The following LRPPRC variants were observed in gnomAD, a reference collection of about 807,000 sequenced individuals.
The protein encoded by LRPPRC is leucine rich pentatricopeptide repeat containing.
In LRPPRC, 120 loss-of-function variants were observed where a neutral mutation model predicts 180.3. That is an observed-to-expected ratio of 0.67 (90% CI 0.57 to 0.77). LRPPRC has a LOEUF of 0.77. LRPPRC is among the 30% of genes least tolerant of loss of function. The pLI, the probability that LRPPRC is intolerant of heterozygous loss-of-function variation, is 0.00. For missense variants in LRPPRC, 2,012 were observed against 1,657.2 expected (o/e 1.21, Z -3.72); for synonymous variants, 723 against 600.0 (o/e 1.21, Z -3.00).
intron 29 of LRPPRC, 42 bp downstream of exon 29, chr2:43,917,983 G>C (rs1346281872): frequency 2.1e-6 from 3 of 1,421,570 alleles, no homozygotes; most frequent in Admixed American, 1.7e-5. Flanking sequence ...TTAGAAAGAA[G>C]ACCACCCCCC....
At chr2:43,969,217 T>C (rs888470329) in intron 11 of LRPPRC, among the ~76,000 whole-genome samples, 4 of 151,906 alleles carry the variant, frequency 2.6e-5, no homozygotes, top group African/African-American at 9.7e-5. Flanking sequence ...TCGAGACCAT[T>C]CTGGCTAACA....
intron 24 of LRPPRC, 118 bp downstream of exon 24, chr2:43,934,636 A>G: frequency 1.2e-6 from 1 of 816,110 alleles, no homozygotes; most frequent in Non-Finnish European, 2.0e-6. Flanking sequence ...TTTCACAAGT[A>G]TAAAGAAAGT....
At chr2:43,959,284 C>A (rs973168646) in intron 13 of LRPPRC, 1 of 698,512 alleles carries the variant, frequency 1.4e-6, no homozygotes, top group Non-Finnish European at 2.6e-6. Flanking sequence ...CAATAATACT[C>A]AATATTTGAC....
At chr2:43,901,067 A>C (rs1670864819) in intron 32 of LRPPRC, among the ~76,000 whole-genome samples, 1 of 152,222 alleles carries the variant, frequency 6.6e-6, no homozygotes, top group African/African-American at 2.4e-5. Context: ...GCATATATAC[A>C]CAGGAATGAG....
chr2:43,919,948 G>A (rs1050916616), intron 27 of LRPPRC, among the ~76,000 whole-genome samples: 17 of 151,696 alleles, frequency 1.1e-4, no homozygotes, highest in African/African-American at 4.1e-4. Context: ...CTAAAAACAC[G>A]TAGGATTTTC....
intron 1 of LRPPRC, among the ~76,000 whole-genome samples, chr2:43,993,005 G>A (rs895476228): frequency 6.6e-6 from 1 of 152,120 alleles, no homozygotes; most frequent in Non-Finnish European, 1.5e-5. Context: ...AAGAACATCA[G>A]CATTTAATAG....
rs189640039 is a variant in LRPPRC, at chr2:43,930,198, G to A, written c.2736+3992C>T. 9.1e-4 allele frequency among the ~76,000 whole-genome samples: 138 copies of A among 151,648 alleles called. 1 individual carries two copies. The highest frequency in any genetic ancestry group is 2.2e-3 in the African/African-American group (90 of 41,062). Reference sequence around the variant, plus strand: ...CTGAGAAGAGATCAAAATGTACTCCGGCTGCACCGTGATGGAAAGGCAAAA... The same window carrying A: ...CTGAGAAGAGATCAAAATGTACTCCAGCTGCACCGTGATGGAAAGGCAAAA... On this transcript the variant is annotated intron_variant, in intron 25 of 37. Transcript: ENST00000260665.
chr2:43,984,981 TCA>T (rs1674464074), intron 1 of LRPPRC, among the ~76,000 whole-genome samples: 1 of 151,790 alleles, frequency 6.6e-6, no homozygotes, highest in East Asian at 1.9e-4. Context: ...TTATTATCTC[TCA>T]GTTTTTTTAA....
intron 19 of LRPPRC, among the ~76,000 whole-genome samples, 173 bp downstream of exon 19, chr2:43,947,558 A>T (rs1174911535): frequency 6.6e-6 from 1 of 152,030 alleles, no homozygotes. Context: ...ATTATATGCA[A>T]ATTTCTTAGA....
At chr2:43,990,604 T>C (rs1674731695) in intron 1 of LRPPRC, among the ~76,000 whole-genome samples, 1 of 152,204 alleles carries the variant, frequency 6.6e-6, no homozygotes. Context: ...TCTTCTCTAT[T>C]TTTGGAACAT....
chr2:43,918,504 A>G, intron 27 of LRPPRC, 106 bp from the exon 28 acceptor site: 1 of 897,870 alleles, frequency 1.1e-6, no homozygotes, highest in Non-Finnish European at 1.8e-6. Context: ...GCATTATTCC[A>G]AATGCTGCCT....
chr2:43,971,790 A>C (rs546359910), intron 11 of LRPPRC, among the ~76,000 whole-genome samples: 1 of 152,088 alleles, frequency 6.6e-6, no homozygotes, highest in African/African-American at 2.4e-5. Context: ...TAAAGAATAC[A>C]TACAGCCATT....
At position 43,934,184 on chromosome 2, in the gene LRPPRC, TCA is replaced by T; in HGVS notation, c.2736+4_2736+5del. On this transcript the variant is annotated splice_donor_5th_base_variant and intron_variant, in intron 25 of 37. Coordinates refer to ENST00000260665, the MANE Select transcript of LRPPRC (RefSeq NM_133259.4). Reference sequence around the variant, plus strand: ...TACAATTAGAACACTGTAGTTAAAATCACACCTCAATGATCTTCTTGGCCTCT... The same window carrying T: ...TACAATTAGAACACTGTAGTTAAAATCACCTCAATGATCTTCTTGGCCTCT... The T allele has an allele frequency of 6.5e-7, 1 of 1,532,412 alleles. No individual in the cohort carries two copies. Among genetic ancestry groups the T allele is most frequent in the Non-Finnish European group, 9.0e-7 (1 of 1,106,452 alleles). 94.9% of individuals were successfully genotyped at this position (1,532,412 alleles called of 1,614,324 possible). A position where few individuals can be genotyped will look rare whatever the true frequency, so the allele number is the denominator to read the frequency against.
chr2:43,910,558 A>C (rs967045555), intron 30 of LRPPRC, among the ~76,000 whole-genome samples: 2 of 152,120 alleles, frequency 1.3e-5, no homozygotes, highest in Non-Finnish European at 2.9e-5. Flanking sequence ...TAAAAATTTC[A>C]CCTTATGAAG....
intron 23 of LRPPRC, among the ~76,000 whole-genome samples, chr2:43,940,573 T>C (rs998456437): frequency 7.2e-5 from 11 of 151,940 alleles, no homozygotes; most frequent in Non-Finnish European, 1.3e-4. Flanking sequence ...ACAAAAAAAA[T>C]CCTTAATGGA....
intron 30 of LRPPRC, among the ~76,000 whole-genome samples, chr2:43,911,450 C>T (rs1671252050): frequency 6.7e-6 from 1 of 150,296 alleles, no homozygotes; most frequent in Non-Finnish European, 1.5e-5. Context: ...GCTTAGGATT[C>T]TAATATTCTA....
chr2:43,978,912 C>T (rs982605063), intron 3 of LRPPRC, among the ~76,000 whole-genome samples: 1 of 152,010 alleles, frequency 6.6e-6, no homozygotes, highest in African/African-American at 2.4e-5. Context: ...TTACTGTGAG[C>T]TGATTTTCTG....
At chr2:43,958,979 T>C (rs1167280164) in intron 13 of LRPPRC, 1 of 466,762 alleles carries the variant, frequency 2.1e-6, no homozygotes, top group African/African-American at 2.0e-5. Context: ...AATAGTATTC[T>C]ACAGAATATT....
At chr2:43,982,537 A>G (rs1674359022) in intron 1 of LRPPRC, 103 bp from the exon 2 acceptor site, 1 of 843,418 alleles carries the variant, frequency 1.2e-6, no homozygotes, top group African/African-American at 1.7e-5. Flanking sequence ...AAACACCTAA[A>G]ATCACAGTAC....
Sources: gnomAD v4.1 joint callset for allele counts (sites outside exome capture counted in the v4.1 genomes callset) on GRCh38, gnomAD v4.1.1 for gene constraint, MANE v1.5 for transcripts, NCBI Gene and HGNC (gene_info 2026-07-23, HGNC 2026-07-21) for gene names.